Variants in PROS1 observed in about 807,000 individuals in gnomAD.
PROS1 encodes protein S, also known as vitamin K-dependent protein S.
Under a neutral mutation model 75.9 loss-of-function variants are expected in PROS1, and 29 were observed. The observed-to-expected ratio is 0.38, with a 90% CI of 0.28 to 0.52. PROS1 has a LOEUF of 0.52. Ranked by LOEUF, PROS1 falls within the 20% of genes least tolerant of loss-of-function variation. The probability of loss-of-function intolerance (pLI) is 0.83; values close to 1 mark genes in which losing one functional copy is unlikely to be tolerated. For synonymous variants in PROS1, 245 were observed against 280.6 expected, an observed-to-expected ratio of 0.87 and a Z score of 1.27; for missense variants, 680 against 810.3, an observed-to-expected ratio of 0.84 and a Z score of 1.95.
At chr3:93,937,479 T>C (rs1268927375) in intron 1 of PROS1, among the ~76,000 whole-genome samples, 1 of 151,612 alleles carries the variant, frequency 6.6e-6, no homozygotes, top group Non-Finnish European at 1.5e-5. Flanking sequence ...GCCATTCTCC[T>C]GCCTCAGCCT....
intron 4 of PROS1, among the ~76,000 whole-genome samples, chr3:93,909,701 T>C (rs1708731207): frequency 6.6e-6 from 1 of 152,172 alleles, no homozygotes; most frequent in African/African-American, 2.4e-5. Flanking sequence ...CCTATATTTC[T>C]ATCTCTTTGC....
At position 93,917,567 on chromosome 3, in the gene PROS1, C is replaced by T. The variant is rs1225861192; in HGVS notation, c.259+6673G>A. Among the ~76,000 whole-genome samples the T allele has an allele frequency of 6.6e-5, 10 of 152,310 alleles. No homozygotes were observed. The South Asian group carries it at 1.0e-3, about 16-fold the overall frequency. ...TGCACTGTGGGAGCCCCTTTCTGGG[C>T]TGGCCAAGCCCAGAGCTGGCTCCCT... On this transcript the variant is annotated intron_variant, in intron 3 of 14. Transcript: ENST00000394236.
chr3:93,973,809 C>G lies in PROS1; in HGVS notation c.-60G>C, dbSNP rs368555701. ...GCGCGTCGCGGCGGGGACCGGAGCG[C>G]TAGGCGCCGCGGAGCTGCGAGCCTG... On this transcript the variant is annotated 5_prime_UTR_variant, in exon 1 of 15. Transcript: ENST00000394236. The G allele has an allele frequency of 2.7e-6, 4 of 1,456,826 alleles. No homozygotes were observed. Among genetic ancestry groups the G allele is most frequent in the East Asian group, 2.4e-5 (1 of 41,230 alleles). The allele number at this position is 1,456,826 out of a possible 1,614,324, so 90.2% of individuals were successfully genotyped here.
Position 93,905,814 on chromosome 3 carries a change from C to G in PROS1, c.571G>C (p.Val191Leu), listed in dbSNP as rs1708666556. ...SYHCSCKNGFVMLSNKKDCKD... is the reference protein window; with the variant it reads ...SYHCSCKNGFLMLSNKKDCKD... ...CAATCTTTCTTATTTGAAAGCATAA[C>G]AAAACCATTTTTACAGGAACAGTGG... Residue 191 changes from valine (V) to leucine (L), a missense_variant, in exon 6 of 15, where the codon GTT (valine) becomes CTT (leucine). By Grantham distance (32) the Val-to-Leu change is conservative. Coordinates refer to ENST00000394236, the MANE Select transcript of PROS1 (RefSeq NM_000313.4). 1 of 1,612,780 alleles carries G rather than the reference C, an allele frequency of 6.2e-7. No homozygotes were observed. The highest frequency in any genetic ancestry group is 8.5e-7 in the Non-Finnish European group (1 of 1,178,870).
Position 93,941,892 on chromosome 3 carries a change from T to C in PROS1, c.77-14485A>G, listed in dbSNP as rs1025166871. On this transcript the variant is annotated intron_variant, in intron 1 of 14. Transcript: ENST00000394236. ...TTTTCTTCCTCACACCTGGTGCGTATGCTTTCTGCTACCCGGCTCCTTCAG... is the reference window on the plus strand; with the variant it reads ...TTTTCTTCCTCACACCTGGTGCGTACGCTTTCTGCTACCCGGCTCCTTCAG... 6.6e-5 allele frequency among the ~76,000 whole-genome samples: 10 copies of C among 152,318 alleles called. No homozygotes were observed. In the East Asian group the frequency reaches 1.2e-3, roughly 18 times the overall value.
At position 93,893,033 on chromosome 3, in the gene PROS1, A is replaced by G. The variant is rs1708455723; in HGVS notation, c.1055T>C (p.Ile352Thr). 1 of 1,613,978 alleles carries G rather than the reference A, an allele frequency of 6.2e-7. No homozygotes were observed. The highest frequency in any genetic ancestry group is 1.3e-5 in the African/African-American group (1 of 75,058). ...ESIDHSAWLL[I>T]ALRGGKIEVQ... ...TTCAATCTTTCCACCACGAAGTGCAATCAGGAGCCACGCTGAGTGATCGAT... is the reference window on the plus strand; with the variant it reads ...TTCAATCTTTCCACCACGAAGTGCAGTCAGGAGCCACGCTGAGTGATCGAT... The change falls in exon 10 of 15, where the codon ATT becomes ACT. Residue 352 changes from isoleucine to threonine, a missense_variant. By Grantham distance (89) the Ile-to-Thr change is moderately conservative. Coordinates refer to ENST00000394236, the MANE Select transcript of PROS1 (RefSeq NM_000313.4).
At chr3:93,898,386 A>G in intron 8 of PROS1, 62 bp downstream of exon 8, 1 of 1,577,012 alleles carries the variant, frequency 6.3e-7, no homozygotes, top group Non-Finnish European at 8.7e-7. Context: ...ATGTGAAAAT[A>G]AGTATCTAGG....
At chr3:93,943,951 C>G (rs1454515221) in intron 1 of PROS1, among the ~76,000 whole-genome samples, 1 of 152,212 alleles carries the variant, frequency 6.6e-6, no homozygotes, top group Non-Finnish European at 1.5e-5. Context: ...AATGGCCCCA[C>G]ACCTATCTTC....
intron 1 of PROS1, among the ~76,000 whole-genome samples, chr3:93,972,792 T>G (rs1309160471): frequency 1.3e-5 from 2 of 152,030 alleles, no homozygotes; most frequent in Non-Finnish European, 2.9e-5. Flanking sequence ...GAGGTTGCAT[T>G]GAGCGGAGAT....
At chr3:93,910,422 T>A (rs747631961) in intron 4 of PROS1, among the ~76,000 whole-genome samples, 197 bp downstream of exon 4, 4 of 152,130 alleles carry the variant, frequency 2.6e-5, no homozygotes, top group South Asian at 2.1e-4. Context: ...GGCAAAAAAA[T>A]TCATTTTGAG....
At chr3:93,938,616 C>T (rs550490291) in intron 1 of PROS1, among the ~76,000 whole-genome samples, 24 of 152,318 alleles carry the variant, frequency 1.6e-4, no homozygotes, top group Admixed American at 7.2e-4. Context: ...CTTCTCCAGC[C>T]TCTCTTGCTA....
chr3:93,897,488 C>G (rs1470028361), intron 8 of PROS1, among the ~76,000 whole-genome samples: 1 of 151,890 alleles, frequency 6.6e-6, no homozygotes, highest in African/African-American at 2.4e-5. Context: ...TGTAACTACA[C>G]CAAATACAGA....
chr3:93,931,759 C>T (rs1288470933), intron 1 of PROS1, among the ~76,000 whole-genome samples: 2 of 152,128 alleles, frequency 1.3e-5, no homozygotes, highest in African/African-American at 4.8e-5. Flanking sequence ...CACTTTCAGC[C>T]AAAGAACACT....
At chr3:93,896,768 T>G in intron 8 of PROS1, 77 bp from the exon 9 acceptor site, 2 of 1,102,664 alleles carry the variant, frequency 1.8e-6, no homozygotes, top group East Asian at 4.7e-5. Flanking sequence ...TGTGAGGTCA[T>G]GCATTTTTGT....
intron 10 of PROS1, among the ~76,000 whole-genome samples, chr3:93,892,271 A>G (rs2107148744): frequency 6.6e-6 from 1 of 152,172 alleles, no homozygotes; most frequent in African/African-American, 2.4e-5. Context: ...TGGAGGTTGC[A>G]GTGAGGCAAG....
intron 1 of PROS1, among the ~76,000 whole-genome samples, chr3:93,929,404 G>A (rs1159064624): frequency 6.6e-6 from 1 of 152,052 alleles, no homozygotes; most frequent in African/African-American, 2.4e-5. Context: ...ACTTGAGCCT[G>A]TGGGGGGTCA....
At chr3:93,947,180 A>G (rs1332108041) in intron 1 of PROS1, among the ~76,000 whole-genome samples, 1 of 152,190 alleles carries the variant, frequency 6.6e-6, no homozygotes, top group Non-Finnish European at 1.5e-5. Context: ...AGTGCTGGAG[A>G]GGATGTGGAG....
At chr3:93,875,856 G>C (rs1399113083) in intron 14 of PROS1, among the ~76,000 whole-genome samples, 1 of 152,100 alleles carries the variant, frequency 6.6e-6, no homozygotes, top group Non-Finnish European at 1.5e-5. Flanking sequence ...AGAATAAATT[G>C]CAAATGTCAT....
intron 3 of PROS1, among the ~76,000 whole-genome samples, chr3:93,919,723 T>C (rs1240507658): frequency 6.6e-6 from 1 of 152,194 alleles, no homozygotes; most frequent in East Asian, 1.9e-4. Flanking sequence ...GGTTTTATTT[T>C]AACATTTTTG....
Sources: gnomAD v4.1 joint callset for allele counts (sites outside exome capture counted in the v4.1 genomes callset) on GRCh38, gnomAD v4.1.1 for gene constraint, MANE v1.5 for transcripts, NCBI Gene and HGNC (gene_info 2026-07-23, HGNC 2026-07-21) for gene names.